Variants in SPRED2 observed in about 807,000 individuals in gnomAD.
SPRED2 encodes sprouty related EVH1 domain containing 2, also known as sprouty-related, EVH1 domain-containing protein 2.
In SPRED2, 47 loss-of-function variants were observed where a neutral mutation model predicts 43.0. The ratio of observed to expected loss-of-function variants is 1.09; its 90% CI spans 0.87 to 1.40. The LOEUF (loss-of-function observed/expected upper bound fraction) is 1.40. Ranked by LOEUF, SPRED2 falls within the 40% of genes most tolerant of loss-of-function variation. SPRED2 has a pLI of 0.00. For synonymous variants in SPRED2, 225 were observed against 225.7 expected (o/e 1.00, Z 0.03); for missense variants, 561 against 586.4 (o/e 0.96, Z 0.45).
At chr2:65,396,974 C>G (rs905566404) in intron 1 of SPRED2, among the ~76,000 whole-genome samples, 2 of 152,122 alleles carry the variant, frequency 1.3e-5, no homozygotes, top group Non-Finnish European at 2.9e-5. Context: ...CAGCTGCATT[C>G]TTAATCACTT....
At chr2:65,367,900 T>C (rs1025746506) in intron 1 of SPRED2, among the ~76,000 whole-genome samples, 2 of 152,146 alleles carry the variant, frequency 1.3e-5, no homozygotes, top group African/African-American at 4.8e-5. Flanking sequence ...ACTCACTTAA[T>C]GTTCAAATTG....
chr2:65,334,350 A>G (rs761964161), intron 3 of SPRED2: 2 of 584,252 alleles, frequency 3.4e-6, no homozygotes, highest in Non-Finnish European at 6.6e-6. Flanking sequence ...ATGGAAATCC[A>G]GAACCTGCCT....
At chr2:65,326,574 C>T (rs1673625886) in intron 4 of SPRED2, among the ~76,000 whole-genome samples, 1 of 152,178 alleles carries the variant, frequency 6.6e-6, no homozygotes, top group African/African-American at 2.4e-5. Flanking sequence ...GGAGAGATGA[C>T]TCTGACTCTG....
chr2:65,389,016 G>T (rs1300291216), intron 1 of SPRED2, among the ~76,000 whole-genome samples: 1 of 152,112 alleles, frequency 6.6e-6, no homozygotes, highest in African/African-American at 2.4e-5. Context: ...TTCTGTACTG[G>T]GAGGGGCAGG....
At chr2:65,431,860 C>T in intron 1 of SPRED2, 102 bp downstream of exon 1, 1 of 1,405,952 alleles carries the variant, frequency 7.1e-7, no homozygotes, top group Non-Finnish European at 1.0e-6. Context: ...CGCTGCACCC[C>T]ACGCCAAGTT....
At position 65,334,590 on chromosome 2, in the gene SPRED2, C is replaced by T. The variant is rs746077050; in HGVS notation, c.373+15G>A. 1.8e-5 allele frequency: 29 copies of T among 1,611,120 alleles called. No homozygotes were observed. The highest frequency in any genetic ancestry group is 1.5e-4 in the Admixed American group (9 of 59,684). On this transcript the variant is annotated intron_variant, in intron 3 of 5. Coordinates refer to ENST00000356388, the MANE Select transcript of SPRED2 (RefSeq NM_181784.3). ...TTCCATAGTCCCACTAAGAATGCAG[C>T]GACAAGTTCAATACCTTCTATAAGG... is the stretch of plus-strand genomic sequence containing the variant.
chr2:65,432,226 G>A lies in SPRED2; in HGVS notation c.-239C>T. 1.8e-6 allele frequency: 1 copy of A among 549,188 alleles called. No homozygotes were observed. 34.0% of individuals were successfully genotyped at this position (549,188 alleles called of 1,614,324 possible). On this transcript the variant is annotated 5_prime_UTR_variant, in exon 1 of 6. Coordinates refer to ENST00000356388, the MANE Select transcript of SPRED2 (RefSeq NM_181784.3). Reference sequence around the variant, plus strand: ...ACGCCGCAGCGCCGTGGGGAGAGGCGGGCGGAGGCTCCGGGGGCTCGGGAG... The same window carrying A: ...ACGCCGCAGCGCCGTGGGGAGAGGCAGGCGGAGGCTCCGGGGGCTCGGGAG...
At chr2:65,323,003 T>C (rs1223365709) in intron 4 of SPRED2, among the ~76,000 whole-genome samples, 9 of 152,170 alleles carry the variant, frequency 5.9e-5, no homozygotes, top group Non-Finnish European at 1.2e-4. Context: ...GATTTATTTA[T>C]TTATTTTTTG....
At chr2:65,384,911 C>T (rs1443889395) in intron 1 of SPRED2, among the ~76,000 whole-genome samples, 3 of 152,104 alleles carry the variant, frequency 2.0e-5, no homozygotes, top group African/African-American at 7.2e-5. Context: ...CAAAACTTGA[C>T]ACACAGTAGA....
chr2:65,388,457 T>C (rs943542809), intron 1 of SPRED2, among the ~76,000 whole-genome samples: 1 of 152,188 alleles, frequency 6.6e-6, no homozygotes, highest in Non-Finnish European at 1.5e-5. Flanking sequence ...ATCCTGGGCC[T>C]TGAAAAATTA....
intron 4 of SPRED2, among the ~76,000 whole-genome samples, chr2:65,325,168 C>T (rs1443619438): frequency 6.6e-6 from 1 of 152,100 alleles, no homozygotes; most frequent in East Asian, 1.9e-4. Flanking sequence ...AGGGACAAAC[C>T]CCTCCTCTCA....
At chr2:65,342,800 T>C (rs1400804018) in intron 2 of SPRED2, among the ~76,000 whole-genome samples, 1 of 152,058 alleles carries the variant, frequency 6.6e-6, no homozygotes, top group South Asian at 2.1e-4. Context: ...TAAGGCAAAA[T>C]AAATAAGATA....
intron 1 of SPRED2, among the ~76,000 whole-genome samples, chr2:65,429,005 C>T (rs939662412): frequency 2.0e-5 from 3 of 151,992 alleles, no homozygotes; most frequent in East Asian, 1.9e-4. Context: ...GGAGGGGGGA[C>T]GAAAGAGAAT....
At chr2:65,415,599 C>A (rs1676253933) in intron 1 of SPRED2, among the ~76,000 whole-genome samples, 1 of 152,176 alleles carries the variant, frequency 6.6e-6, no homozygotes, top group Non-Finnish European at 1.5e-5. Context: ...ATCCTAAAGA[C>A]ATCTGTGTTA....
chr2:65,423,494 G>A (rs547227222), intron 1 of SPRED2, among the ~76,000 whole-genome samples: 117 of 152,282 alleles, frequency 7.7e-4, no homozygotes, highest in African/African-American at 2.6e-3. Flanking sequence ...AAAGCCAAAA[G>A]AAACAGTCAG....
chr2:65,406,674 G>C (rs1676030433), intron 1 of SPRED2, among the ~76,000 whole-genome samples: 1 of 152,230 alleles, frequency 6.6e-6, no homozygotes, highest in African/African-American at 2.4e-5. Context: ...CTTCTGCTTA[G>C]CACATCAGCC....
chr2:65,354,066 A>G (rs11695373), intron 1 of SPRED2, among the ~76,000 whole-genome samples: 51,723 of 152,164 alleles, frequency 0.34, 10,139 homozygotes, highest in East Asian at 0.78. Flanking sequence ...CAAAGATCAG[A>G]GCTGGAAGTT....
intron 2 of SPRED2, among the ~76,000 whole-genome samples, chr2:65,344,034 C>T (rs1441930809): frequency 1.3e-5 from 2 of 150,604 alleles, no homozygotes; most frequent in Non-Finnish European, 2.9e-5. Context: ...GTAGTCCCAG[C>T]TACTCAGCAG....
downstream of SPRED2, among the ~76,000 whole-genome samples, chr2:65,310,458 TACACACACACAC>T (rs55916427): frequency 0.022 from 3,020 of 137,966 alleles, 71 homozygotes; most frequent in South Asian, 0.14. Context: ...TCCTCCAAAC[TACACACACACAC>T]ACACACACAC....
Sources: gnomAD v4.1 joint callset for allele counts (sites outside exome capture counted in the v4.1 genomes callset) on GRCh38, gnomAD v4.1.1 for gene constraint, MANE v1.5 for transcripts, NCBI Gene and HGNC (gene_info 2026-07-23, HGNC 2026-07-21) for gene names.